UQCRC2: variants seen among roughly 807,000 people sequenced by gnomAD.
UQCRC2 encodes the protein ubiquinol-cytochrome c reductase core protein 2.
A neutral mutation model predicts 55.6 loss-of-function variants in UQCRC2; 49 were observed. The observed-to-expected ratio is 0.88, with a 90% confidence interval of 0.70 to 1.12. The LOEUF is 1.12. Among genes scored for constraint, UQCRC2 ranks in the 50% most tolerant of loss-of-function variants. The probability of loss-of-function intolerance (pLI) is 0.00; values close to 1 mark genes in which losing one functional copy is unlikely to be tolerated. For synonymous variants in UQCRC2, 193 were observed against 192.0 expected (o/e 1.01, Z -0.04); for missense variants, 506 against 547.8 (o/e 0.92, Z 0.76).
chr16:21,968,319 T>A, intron 7 of UQCRC2: 1 of 182,234 alleles, frequency 5.5e-6, no homozygotes, highest in East Asian at 1.4e-4. Context: ...ATTCCTTTTA[T>A]AAATAACAGC....
intron 12 of UQCRC2, among the ~76,000 whole-genome samples, chr16:21,978,997 A>G (rs1264422059): frequency 6.6e-6 from 1 of 152,242 alleles, no homozygotes; most frequent in African/African-American, 2.4e-5. Context: ...AAGTGAAACG[A>G]TAGCATAAGA....
intron 10 of UQCRC2, among the ~76,000 whole-genome samples, chr16:21,972,497 A>G (rs909563629): frequency 1.4e-4 from 22 of 152,054 alleles, no homozygotes; most frequent in Admixed American, 1.4e-3. Flanking sequence ...GAATCTCACT[A>G]TTTGTTTTCC....
intron 7 of UQCRC2, among the ~76,000 whole-genome samples, chr16:21,967,892 A>T (rs748015398): frequency 1.3e-5 from 2 of 152,148 alleles, no homozygotes; most frequent in African/African-American, 4.8e-5. Flanking sequence ...ATTACTACTT[A>T]TATAAACACA....
chr16:21,957,261 C>T lies in UQCRC2; in HGVS notation c.60C>T (p.Pro20=). The change falls in exon 2 of 14, where the codon CCC becomes CCT. Residue 20 remains proline, a synonymous_variant. Transcript: ENST00000268379. ...FSRFYSLKVA[P]KVKATAAPAG... ...GATTTTATTCCCTCAAAGTTGCCCC[C>T]AAAGTTAAAGCCACAGCTGCGCCTG... 6.2e-7 allele frequency: 1 copy of T among 1,613,828 alleles called. No individual in the cohort carries two copies. Among genetic ancestry groups the T allele is most frequent in the Non-Finnish European group, 8.5e-7 (1 of 1,179,894 alleles).
At chr16:21,953,573 T>G in intron 1 of UQCRC2, 117 bp downstream of exon 1, 1 of 1,352,946 alleles carries the variant, frequency 7.4e-7, no homozygotes, top group Non-Finnish European at 1.0e-6. Context: ...GCCCTTCAGC[T>G]GAACCCTGCG....
chr16:21,966,187 T>C (rs1202610884), intron 7 of UQCRC2, among the ~76,000 whole-genome samples: 1 of 151,872 alleles, frequency 6.6e-6, no homozygotes, highest in African/African-American at 2.4e-5. Context: ...TGTGTATACA[T>C]ATATATAAAA....
chr16:21,975,019 A>G (rs1015098433), intron 11 of UQCRC2, among the ~76,000 whole-genome samples: 1 of 152,072 alleles, frequency 6.6e-6, no homozygotes, highest in African/African-American at 2.4e-5. Flanking sequence ...TATCCTTGAA[A>G]TCAGCGACCA....
At chr16:21,977,895 T>G (rs1324669677) in intron 12 of UQCRC2, among the ~76,000 whole-genome samples, 1 of 152,162 alleles carries the variant, frequency 6.6e-6, no homozygotes, top group African/African-American at 2.4e-5. Flanking sequence ...ACAACACAAT[T>G]TATTAAATAT....
intron 9 of UQCRC2, 130 bp downstream of exon 9, chr16:21,971,750 G>A: frequency 1.5e-6 from 2 of 1,315,560 alleles, no homozygotes; most frequent in East Asian, 2.4e-5. Context: ...TGGCTTGGGT[G>A]TTGTATTTTG....
chr16:21,959,225 T>C (rs2967178), intron 4 of UQCRC2: 152,508 of 158,858 alleles, frequency 0.96, 73,655 homozygotes, highest in Non-Finnish European at 0.99. Flanking sequence ...GCATGAGATG[T>C]TGTTTTTAGC....
At chr16:21,957,986 T>C (rs1002044258) in intron 3 of UQCRC2, among the ~76,000 whole-genome samples, 1 of 152,232 alleles carries the variant, frequency 6.6e-6, no homozygotes, top group Non-Finnish European at 1.5e-5. Context: ...TTAGATTTAG[T>C]GCCCACTATA....
chr16:21,969,291 T>C (rs890569382), intron 8 of UQCRC2, among the ~76,000 whole-genome samples: 35 of 152,146 alleles, frequency 2.3e-4, no homozygotes, highest in Non-Finnish European at 1.0e-4. Context: ...CCTAGCACTT[T>C]GGGAGGCTGA....
chr16:21,954,627 T>C (rs921048387), intron 1 of UQCRC2, among the ~76,000 whole-genome samples: 1 of 152,192 alleles, frequency 6.6e-6, no homozygotes, highest in Non-Finnish European at 1.5e-5. Flanking sequence ...TATTTATGTG[T>C]CTAATTTTAG....
chr16:21,979,651 C>T (rs72784907), intron 12 of UQCRC2, among the ~76,000 whole-genome samples: 4 of 152,288 alleles, frequency 2.6e-5, no homozygotes, highest in Non-Finnish European at 4.4e-5. Flanking sequence ...ATAGCTCCTG[C>T]TTTCGAGTGA....
intron 12 of UQCRC2, 114 bp downstream of exon 12, chr16:21,976,357 C>A (rs552384150): frequency 3.5e-5 from 32 of 908,264 alleles, no homozygotes; most frequent in Non-Finnish European, 5.2e-5. Context: ...TACAGAAAAG[C>A]GTAAAAAGGG....
intron 11 of UQCRC2, 66 bp from the exon 12 acceptor site, chr16:21,976,101 G>C: frequency 9.1e-7 from 1 of 1,096,260 alleles, no homozygotes; most frequent in African/African-American, 1.6e-5. Flanking sequence ...CAGTAAAGAA[G>C]TGTGTCAGTG....
chr16:21,962,297 T>G (rs1898223296), intron 4 of UQCRC2, 163 bp from the exon 5 acceptor site: 1 of 765,462 alleles, frequency 1.3e-6, no homozygotes, highest in East Asian at 2.7e-5. Flanking sequence ...TTAAAAAAAT[T>G]TTGAATTTTA....
intron 10 of UQCRC2, among the ~76,000 whole-genome samples, 164 bp from the exon 11 acceptor site, chr16:21,973,732 C>T (rs1371211883): frequency 6.6e-6 from 1 of 152,224 alleles, no homozygotes; most frequent in African/African-American, 2.4e-5. Flanking sequence ...AAAGAGGTAA[C>T]CTATTTACAG....
intron 8 of UQCRC2, among the ~76,000 whole-genome samples, chr16:21,969,091 T>A (rs937012940): frequency 9.9e-5 from 15 of 152,210 alleles, no homozygotes; most frequent in Non-Finnish European, 1.9e-4. Flanking sequence ...CACTAATAAT[T>A]AAGAAAATTT....
Sources: gnomAD v4.1 joint callset for allele counts (sites outside exome capture counted in the v4.1 genomes callset) on GRCh38, gnomAD v4.1.1 for gene constraint, MANE v1.5 for transcripts, NCBI Gene and HGNC (gene_info 2026-07-23, HGNC 2026-07-21) for gene names.